COL4A4: variants seen among roughly 807,000 people sequenced by gnomAD.
The protein encoded by COL4A4 is collagen alpha-4(IV) chain.
A neutral mutation model predicts 192.9 loss-of-function variants in COL4A4; 105 were observed. The ratio of observed to expected loss-of-function variants is 0.54; its 90% CI spans 0.46 to 0.64. The LOEUF is 0.64. COL4A4 is among the 30% of genes least tolerant of loss of function. The pLI, the probability that COL4A4 is intolerant of heterozygous loss-of-function variation, is 0.00. For synonymous variants in COL4A4, 762 were observed against 769.9 expected (o/e 0.99, Z 0.17); for missense variants, 1,967 against 2,169.3 (o/e 0.91, Z 1.85).
intron 46 of COL4A4, among the ~76,000 whole-genome samples, chr2:227,008,574 C>T (rs1962757930): frequency 6.6e-6 from 1 of 152,170 alleles, no homozygotes. Context: ...AAGCTCATGG[C>T]CTAGCAGGGA....
chr2:227,013,433 C>A (rs145844177), intron 44 of COL4A4, among the ~76,000 whole-genome samples: 1 of 152,080 alleles, frequency 6.6e-6, no homozygotes, highest in Non-Finnish European at 1.5e-5. Flanking sequence ...TTAAAATGAG[C>A]CTCTTAGGCT....
rs1037084154 is a variant in COL4A4 at position 227,030,587 on chromosome 2, G to A, written c.3829C>T (p.Pro1277Ser). ...GPDGPRGAPG[P>S]PGLPGSVDLL... is the part of the protein sequence containing the mutation. ...TCAACACTCCCAGGGAGGCCTGGAGGCCCAGGTGCTCCTGACCACAGAGAA... is the reference window on the plus strand; with the variant it reads ...TCAACACTCCCAGGGAGGCCTGGAGACCCAGGTGCTCCTGACCACAGAGAA... The change falls in exon 41 of 48, where the codon CCT becomes TCT. Residue 1277 changes from proline to serine, a missense_variant. Transcript: ENST00000396625. 2 of 1,605,796 alleles carry A rather than the reference G, an allele frequency of 1.2e-6. No individual in the cohort carries two copies. The highest frequency in any genetic ancestry group is 1.7e-6 in the Non-Finnish European group (2 of 1,176,678).
At chr2:227,109,652 C>A (rs2061075544) in intron 9 of COL4A4, among the ~76,000 whole-genome samples, 2 of 151,518 alleles carry the variant, frequency 1.3e-5, no homozygotes, top group Admixed American at 6.6e-5. Context: ...GAGGCTGAGA[C>A]AGGAGAATCG....
chr2:227,007,616 G>A, intron 47 of COL4A4, 28 bp from the exon 48 acceptor site: 1 of 1,612,028 alleles, frequency 6.2e-7, no homozygotes, highest in Middle Eastern at 2.2e-4. Flanking sequence ...GAGAATTAGG[G>A]CTCAGACACA....
the COL4A4 span, among the ~76,000 whole-genome samples, chr2:226,989,265 G>A: frequency 1.3e-5 from 2 of 152,176 alleles, no homozygotes; most frequent in African/African-American, 4.8e-5. Flanking sequence ...AATCTCACAA[G>A]CATAATGTAA....
At chr2:227,075,174 A>G (rs1325418719) in intron 25 of COL4A4, among the ~76,000 whole-genome samples, 2 of 152,182 alleles carry the variant, frequency 1.3e-5, no homozygotes, top group East Asian at 1.9e-4. Flanking sequence ...TCATCCTGAT[A>G]CCAAAACCTG....
intron 1 of COL4A4, among the ~76,000 whole-genome samples, chr2:227,162,147 C>G (rs1328497636): frequency 1.3e-5 from 2 of 152,184 alleles, no homozygotes; most frequent in Non-Finnish European, 2.9e-5. Context: ...CTCCAGAGGT[C>G]AAGCTCTCCA....
chr2:227,020,159 T>C (rs1038447375), intron 44 of COL4A4, among the ~76,000 whole-genome samples: 3 of 152,214 alleles, frequency 2.0e-5, no homozygotes, highest in African/African-American at 4.8e-5. Flanking sequence ...ACTTACTGAA[T>C]TGAATTTGCA....
chr2:227,066,423 C>G (rs1252614642), intron 25 of COL4A4, among the ~76,000 whole-genome samples: 1 of 151,646 alleles, frequency 6.6e-6, no homozygotes, highest in Non-Finnish European at 1.5e-5. Flanking sequence ...GTCAGATTCA[C>G]CAAAGTTGAA....
Position 227,003,140 on chromosome 2 carries a change from T to G in COL4A4, c.*4185A>C, listed in dbSNP as rs1201521980. The stretch of plus-strand genomic sequence containing the variant: ...CTTTGAGGATTGAAATGAAACAGCA[T>G]TCCCAATGACATTAAGAATTGGCCA... On this transcript the variant is annotated 3_prime_UTR_variant, in exon 48 of 48. Transcript: ENST00000396625. 3 of 152,218 alleles carry G rather than the reference T, an allele frequency of 2.0e-5. No homozygotes were observed. The highest frequency in any genetic ancestry group is 4.4e-5 in the Non-Finnish European group (3 of 68,038). The allele number at this position is 152,218 out of a possible 1,614,324, so 9.4% of individuals were successfully genotyped here.
Position 227,093,236 on chromosome 2 carries a change from A to G in COL4A4, c.1369+889T>C, listed in dbSNP as rs60620664. ...GAATTTACTTATAGTTTAAATAATA[A>G]TAGCCCTCCCCAAAACTAAACTACC... On this transcript the variant is annotated intron_variant, in intron 20 of 47. Transcript: ENST00000396625. 6.5e-3 allele frequency among the ~76,000 whole-genome samples: 987 copies of G among 152,262 alleles called. 30 individuals are homozygous for G. The East Asian group carries it at 0.07, about 11-fold the overall frequency.
chr2:227,064,837 G>A (rs1268249697), intron 25 of COL4A4, among the ~76,000 whole-genome samples: 1 of 152,236 alleles, frequency 6.6e-6, no homozygotes, highest in Admixed American at 6.5e-5. Context: ...AGCAAATGCT[G>A]AGGAAATTTT....
rs910557087 is a variant in COL4A4 at position 227,108,491 on chromosome 2, A to G, written c.735+90T>C. On this transcript the variant is annotated intron_variant, in intron 12 of 47. Transcript: ENST00000396625. ...AAAATTGGGCAGTGACTAGATAATG[A>G]GTACAAGTTCAAATAATCAGAACAG... 4 of 1,269,806 alleles carry G rather than the reference A, an allele frequency of 3.2e-6. No homozygotes were observed. In the Admixed American group the frequency reaches 6.8e-5, roughly 22 times the overall value. The allele number at this position is 1,269,806 out of a possible 1,614,324, so 78.7% of individuals were successfully genotyped here.
At chr2:227,054,802 G>T in intron 30 of COL4A4, 65 bp from the exon 31 acceptor site, 1 of 1,517,960 alleles carries the variant, frequency 6.6e-7, no homozygotes, top group Non-Finnish European at 8.9e-7. Context: ...TTTCAGGGGT[G>T]GGAGGTGGAC....
intron 1 of COL4A4, among the ~76,000 whole-genome samples, chr2:227,161,341 A>G (rs1425456683): frequency 6.6e-6 from 1 of 152,254 alleles, no homozygotes; most frequent in Admixed American, 6.5e-5. Context: ...CTTGTCAAAG[A>G]CAATAACCAC....
rs779005474 is a variant in COL4A4 at position 227,008,127 on chromosome 2, G to A, written c.4700C>T (p.Ala1567Val). 22 of 1,613,888 alleles carry A rather than the reference G, an allele frequency of 1.4e-5. No homozygotes were observed. Among genetic ancestry groups the A allele is most frequent in the African/African-American group, 2.7e-5 (2 of 74,956 alleles). Reference protein sequence around the residue: ...EAIRPYVSRCAVCEAPAQAVA... With the variant: ...EAIRPYVSRCVVCEAPAQAVA... ...CGCCTGGGCCGGGGCCTCGCATACC[G>A]CACAGCGGCTGACATAGGGGCGGAT... Residue 1567 changes from alanine to valine, a missense_variant, in exon 47 of 48, where the codon GCG (alanine) becomes GTG (valine). By Grantham distance (64) the Ala-to-Val change is moderately conservative. Transcript: ENST00000396625.
chr2:227,065,145 G>A (rs956052691), intron 25 of COL4A4, among the ~76,000 whole-genome samples: 14 of 152,162 alleles, frequency 9.2e-5, no homozygotes, highest in Admixed American at 2.0e-4. Context: ...CTGGAAAATC[G>A]GGCCACTCCC....
chr2:227,020,347 A>G (rs1385440236), intron 44 of COL4A4, among the ~76,000 whole-genome samples: 1 of 152,186 alleles, frequency 6.6e-6, no homozygotes, highest in Non-Finnish European at 1.5e-5. Flanking sequence ...AAGATGAGTT[A>G]AATAAAGACT....
chr2:226,985,375 AC>A, the COL4A4 span, among the ~76,000 whole-genome samples: 1 of 152,084 alleles, frequency 6.6e-6, no homozygotes, highest in Non-Finnish European at 1.5e-5. Flanking sequence ...ACAATAAACA[AC>A]TCCATAATAT....
Sources: allele counts gnomAD v4.1 joint callset (sites outside exome capture counted in the v4.1 genomes callset), GRCh38; gene constraint gnomAD v4.1.1; transcripts MANE v1.5; gene names NCBI Gene and HGNC (gene_info 2026-07-23, HGNC 2026-07-21).